TPD52L1: variants seen among roughly 807,000 people sequenced by gnomAD.
TPD52L1 encodes tumor protein D53.
A neutral mutation model predicts 28.7 loss-of-function variants in TPD52L1; 18 were observed. That is an observed-to-expected ratio of 0.63 (90% CI 0.43 to 0.93). TPD52L1 has a LOEUF of 0.93. TPD52L1 is among the 40% of genes least tolerant of loss of function. TPD52L1 has a pLI of 0.00. For missense variants in TPD52L1, 203 were observed against 254.8 expected (o/e 0.80, Z 1.39); for synonymous variants, 75 against 88.8 (o/e 0.84, Z 0.88).
At chr6:125,250,029 T>C (rs986939273) in intron 4 of TPD52L1, among the ~76,000 whole-genome samples, 2 of 152,196 alleles carry the variant, frequency 1.3e-5, no homozygotes, top group African/African-American at 4.8e-5. Context: ...TGTAATAATT[T>C]TAACGGCGTT....
intron 4 of TPD52L1, chr6:125,252,057 T>C: frequency 6.5e-7 from 1 of 1,536,094 alleles, no homozygotes; most frequent in Non-Finnish European, 8.7e-7. Flanking sequence ...CAGGGCTGCG[T>C]GTGGGGCTTT....
chr6:125,177,797 G>T (rs907568370), intron 1 of TPD52L1, among the ~76,000 whole-genome samples: 2 of 151,944 alleles, frequency 1.3e-5, no homozygotes, highest in Non-Finnish European at 2.9e-5. Context: ...TACTTTTAAA[G>T]CGACTTTGAT....
At chr6:125,260,937 AAAG>A (rs1797903515) in intron 6 of TPD52L1, 1 of 9,468 alleles carries the variant, frequency 1.1e-4, no homozygotes, top group South Asian at 6.3e-3. Flanking sequence ...AGAAAGAAAG[AAAG>A]AAAGAAAGAA....
intron 3 of TPD52L1, among the ~76,000 whole-genome samples, chr6:125,236,302 A>C (rs752625812): frequency 2.6e-5 from 4 of 152,206 alleles, no homozygotes; most frequent in Admixed American, 6.5e-5. Context: ...TGCATTTTTC[A>C]TGGTGGGGAC....
At chr6:125,162,994 G>C (rs1484033773) in intron 1 of TPD52L1, among the ~76,000 whole-genome samples, 1 of 152,174 alleles carries the variant, frequency 6.6e-6, no homozygotes, top group Non-Finnish European at 1.5e-5. Flanking sequence ...GTTTAATTGA[G>C]TCCAGAGAAT....
chr6:125,170,415 G>T (rs1308872290), intron 1 of TPD52L1, among the ~76,000 whole-genome samples: 2 of 151,368 alleles, frequency 1.3e-5, no homozygotes, highest in African/African-American at 4.9e-5. Flanking sequence ...TTCTCTTAGG[G>T]GCAGATTTAT....
At chr6:125,261,046 AAGAAAAGGGG>A (rs1327937631) in intron 6 of TPD52L1, 33 of 148,602 alleles carry the variant, frequency 2.2e-4, no homozygotes, top group African/African-American at 8.0e-4. Flanking sequence ...GAAAGAAAGA[AAGAAAAGGGG>A]AAGGGGAAGG....
chr6:125,165,086 AT>A (rs1790789101), intron 1 of TPD52L1, among the ~76,000 whole-genome samples: 1 of 135,380 alleles, frequency 7.4e-6, no homozygotes, highest in Non-Finnish European at 1.5e-5. Context: ...TAAAAAAAAG[AT>A]ATATATATAT....
chr6:125,159,537 C>T (rs974249129), intron 1 of TPD52L1, among the ~76,000 whole-genome samples: 2 of 152,182 alleles, frequency 1.3e-5, no homozygotes, highest in Non-Finnish European at 2.9e-5. Flanking sequence ...TCCACATCTT[C>T]CAAACTCCTG....
At chr6:125,183,757 A>T (rs1222492981) in intron 1 of TPD52L1, among the ~76,000 whole-genome samples, 1 of 152,150 alleles carries the variant, frequency 6.6e-6, no homozygotes, top group African/African-American at 2.4e-5. Context: ...ACTTTTAGCA[A>T]CCTTTTTTCC....
chr6:125,262,643 A>C, intron 6 of TPD52L1, 191 bp from the exon 7 acceptor site: 3 of 698,654 alleles, frequency 4.3e-6, no homozygotes, highest in South Asian at 2.2e-5. Context: ...TTGGAATCCT[A>C]TCCGAGAACC....
intron 1 of TPD52L1, among the ~76,000 whole-genome samples, chr6:125,217,063 T>G (rs1794937965): frequency 1.3e-5 from 2 of 152,198 alleles, no homozygotes; most frequent in Non-Finnish European, 2.9e-5. Context: ...AAAAGAATAT[T>G]TACAATATAA....
Position 125,153,788 on chromosome 6 carries a change from C to A in TPD52L1, c.-164C>A, listed in dbSNP as rs967071861. On this transcript the variant is annotated 5_prime_UTR_variant, in exon 1 of 7. Transcript: ENST00000534000. ...GGAGGTAACCAGAAGCGGCTAGTGG[C>A]GGCTGCCTGCGTCCCCAACCCCCTC... 5.7e-6 allele frequency: 4 copies of A among 699,958 alleles called. No homozygotes were observed. Among genetic ancestry groups the A allele is most frequent in the African/African-American group, 5.6e-5 (3 of 53,778 alleles). The allele number at this position is 699,958 out of a possible 1,614,324, so 43.4% of individuals were successfully genotyped here.
chr6:125,169,978 C>T (rs1027079788), intron 1 of TPD52L1, among the ~76,000 whole-genome samples: 14 of 152,162 alleles, frequency 9.2e-5, no homozygotes, highest in Non-Finnish European at 1.8e-4. Context: ...ATTAATCCCT[C>T]TTCTTCAAGA....
chr6:125,239,057 G>A (rs1343633695), intron 3 of TPD52L1, among the ~76,000 whole-genome samples: 1 of 152,168 alleles, frequency 6.6e-6, no homozygotes, highest in African/African-American at 2.4e-5. Flanking sequence ...TCTTCATACT[G>A]TTTTCTGTAG....
rs192531161 is a variant in TPD52L1, at chr6:125,221,280, G to A, written c.135+1087G>A. On this transcript the variant is annotated intron_variant, in intron 2 of 6. Coordinates refer to ENST00000534000, the MANE Select transcript of TPD52L1 (RefSeq NM_003287.4). ...CAAATCTTTAGCTGGGTCTGTCTGT[G>A]GCCACTGAGTGGCTGCACGTACCAG... is the stretch of plus-strand genomic sequence containing the variant. Among the ~76,000 whole-genome samples the A allele has an allele frequency of 1.1e-4, 16 of 152,304 alleles. No homozygotes were observed. The East Asian group carries it at 3.1e-3, about 29-fold the overall frequency.
chr6:125,261,852 C>T (rs1253621146), intron 6 of TPD52L1: 3 of 152,168 alleles, frequency 2.0e-5, no homozygotes, highest in African/African-American at 7.2e-5. Flanking sequence ...ATCATAACTG[C>T]ATTGTAAGGA....
At chr6:125,185,791 C>A (rs1040199573) in intron 1 of TPD52L1, among the ~76,000 whole-genome samples, 2 of 151,874 alleles carry the variant, frequency 1.3e-5, no homozygotes, top group African/African-American at 4.8e-5. Context: ...CCCTCTGAAA[C>A]CTTTCTCTAG....
At chr6:125,191,417 T>C (rs1793034049) in intron 1 of TPD52L1, among the ~76,000 whole-genome samples, 1 of 152,204 alleles carries the variant, frequency 6.6e-6, no homozygotes, top group African/African-American at 2.4e-5. Context: ...CATCAAAATA[T>C]GGACTTAATT....
Sources: gnomAD v4.1 joint callset for allele counts (sites outside exome capture counted in the v4.1 genomes callset) on GRCh38, gnomAD v4.1.1 for gene constraint, MANE v1.5 for transcripts, NCBI Gene and HGNC (gene_info 2026-07-23, HGNC 2026-07-21) for gene names.